Variants in DEFB110 observed in about 807,000 individuals in gnomAD.
The protein encoded by DEFB110 is beta-defensin 110.
Under a neutral mutation model 2.5 loss-of-function variants are expected in DEFB110, and 4 were observed. The observed-to-expected ratio is 1.60, with a 90% CI of 0.79 to 3.66. DEFB110 has a LOEUF of 3.66. Ranked by LOEUF, DEFB110 falls within the 30% of genes most tolerant of loss-of-function variation. DEFB110 has a pLI of 0.01. For synonymous variants in DEFB110, 29 were observed against 21.8 expected, an observed-to-expected ratio of 1.33 and a Z score of -0.92; for missense variants, 94 against 75.4, an observed-to-expected ratio of 1.25 and a Z score of -0.91.
chr6:50,020,420 A>C (rs1202277881), intron 1 of DEFB110, among the ~76,000 whole-genome samples: 2 of 152,022 alleles, frequency 1.3e-5, no homozygotes, highest in Non-Finnish European at 2.9e-5. Context: ...ATTCGTTTTC[A>C]GAAGTCATTT....
At chr6:50,009,142 A>G (rs778222077) in exon 2 of DEFB110, 1 of 1,609,692 alleles carries the variant, frequency 6.2e-7, no homozygotes, top group Non-Finnish European at 8.5e-7. Flanking sequence ...CAGAGTTTAT[A>G]CGCAGCACTG....
exon 2 of DEFB110, chr6:50,009,243 T>C (rs769684088): frequency 3.7e-6 from 6 of 1,605,718 alleles, no homozygotes; most frequent in East Asian, 4.5e-5. Flanking sequence ...ATCTTTCAAA[T>C]CTATACTTTG....
chr6:50,019,784 A>T (rs2113942875), intron 1 of DEFB110, among the ~76,000 whole-genome samples: 1 of 152,204 alleles, frequency 6.6e-6, no homozygotes, highest in East Asian at 1.9e-4. Flanking sequence ...AATAACTTAC[A>T]AACAATTTCT....
At chr6:50,012,917 C>A (rs1373559110) in intron 1 of DEFB110, among the ~76,000 whole-genome samples, 1 of 151,670 alleles carries the variant, frequency 6.6e-6, no homozygotes, top group Non-Finnish European at 1.5e-5. Flanking sequence ...CTTTTAAAGG[C>A]AATTCTGAGA....
downstream of DEFB110, among the ~76,000 whole-genome samples, chr6:50,016,096 A>G (rs1774311682): frequency 6.6e-6 from 1 of 151,818 alleles, no homozygotes; most frequent in South Asian, 2.1e-4. Flanking sequence ...TACATTGCTA[A>G]TTGGAATTAG....
downstream of DEFB110, among the ~76,000 whole-genome samples, chr6:50,015,396 C>T (rs1168161589): frequency 6.6e-6 from 1 of 151,732 alleles, no homozygotes; most frequent in Non-Finnish European, 1.5e-5. Context: ...CTAAAAATCC[C>T]TGGGTAATCA....
intron 1 of DEFB110, among the ~76,000 whole-genome samples, chr6:50,011,839 AGAAGTT>A (rs1475934741): frequency 6.6e-6 from 1 of 152,046 alleles, no homozygotes; most frequent in South Asian, 2.1e-4. Context: ...CTTGCTGGAT[AGAAGTT>A]GAAGTCAAGG....
chr6:50,012,362 T>C (rs1208078840), intron 1 of DEFB110, among the ~76,000 whole-genome samples: 1 of 151,818 alleles, frequency 6.6e-6, no homozygotes, highest in Non-Finnish European at 1.5e-5. Flanking sequence ...AATTACTCAA[T>C]AAATAAGATA....
Position 50,021,958 on chromosome 6 carries a change from G to A in DEFB110, c.-23C>T, listed in dbSNP as rs2113944665. ...CATGGTAGAGAGTTTCTTAAAAAAA[G>A]GGGGCAACAGACCTCCTTTTTCAAG... On this transcript the variant is annotated 5_prime_UTR_variant, in exon 1 of 2. Coordinates refer to ENST00000371148, the MANE Select transcript of DEFB110 (RefSeq NM_001037497.2). The A allele has an allele frequency of 6.5e-7, 1 of 1,530,386 alleles. No individual in the cohort carries two copies. Among genetic ancestry groups the A allele is most frequent in the Non-Finnish European group, 8.7e-7 (1 of 1,147,586 alleles). 94.8% of individuals were successfully genotyped at this position (1,530,386 alleles called of 1,614,324 possible). A position where few individuals can be genotyped will look rare whatever the true frequency, so the allele number is the denominator to read the frequency against.
chr6:50,018,940 T>C lies in DEFB110; in HGVS notation c.*37A>G. On this transcript the variant is annotated 3_prime_UTR_variant, in exon 2 of 2. Coordinates refer to ENST00000371148, the MANE Select transcript of DEFB110 (RefSeq NM_001037497.2). ...GGGAAAACTTAATAACGCTGGTCTC[T>C]CTTCTTGGAGCTTGTGACTCTTTTC... 6.3e-7 allele frequency: 1 copy of C among 1,588,816 alleles called. No individual in the cohort carries two copies. The highest frequency in any genetic ancestry group is 1.3e-5 in the African/African-American group (1 of 74,116).
chr6:50,018,880 T>TAC lies in DEFB110; in HGVS notation c.*96_*97insGT. On this transcript the variant is annotated 3_prime_UTR_variant, in exon 2 of 2. Transcript: ENST00000371148. Reference sequence around the variant, plus strand: ...CATTAATTTTTATTTAGTTCTTGTGTATTATAGAGACACACACGCCTTGAA... The same window carrying TAC: ...CATTAATTTTTATTTAGTTCTTGTGTACATTATAGAGACACACACGCCTTGAA... 6.8e-7 allele frequency: 1 copy of TAC among 1,470,374 alleles called. No homozygotes were observed. The highest frequency in any genetic ancestry group is 8.9e-7 in the Non-Finnish European group (1 of 1,117,468). The allele number at this position is 1,470,374 out of a possible 1,614,324, so 91.1% of individuals were successfully genotyped here.
chr6:50,011,867 C>T (rs1774234330), intron 1 of DEFB110, among the ~76,000 whole-genome samples: 1 of 151,952 alleles, frequency 6.6e-6, no homozygotes, highest in Non-Finnish European at 1.5e-5. Flanking sequence ...AGAAGCAAGG[C>T]CGTGGGTCAG....
downstream of DEFB110, among the ~76,000 whole-genome samples, chr6:50,014,938 A>G (rs964825230): frequency 6.6e-6 from 1 of 151,612 alleles, no homozygotes; most frequent in African/African-American, 2.4e-5. Flanking sequence ...TACTGTCTCC[A>G]CTCTCATTTT....
intron 1 of DEFB110, among the ~76,000 whole-genome samples, chr6:50,012,510 G>A (rs1774244914): frequency 6.6e-6 from 1 of 151,770 alleles, no homozygotes. Flanking sequence ...AAGTGACTTA[G>A]GCCCTATATT....
chr6:50,009,268 C>T (rs1774186834), exon 2 of DEFB110: 1 of 1,592,290 alleles, frequency 6.3e-7, no homozygotes, highest in Admixed American at 1.9e-5. Context: ...AAAATTGCTT[C>T]TGGCTGCAAT....
In DEFB110 at chr6:50,019,314, A is replaced by C. The variant is rs75836998; in HGVS notation, c.56-189T>G. Among the ~76,000 whole-genome samples, 1,478 of 152,198 alleles carry C rather than the reference A, an allele frequency of 9.7e-3. 31 individuals are homozygous for C. Among genetic ancestry groups the C allele is most frequent in the African/African-American group, 0.032 (1,341 of 41,560 alleles). On this transcript the variant is annotated intron_variant, in intron 1 of 1. Coordinates refer to ENST00000371148, the MANE Select transcript of DEFB110 (RefSeq NM_001037497.2). Reference sequence around the variant, plus strand: ...TAGAAATAAAAAGGGTCTTGGACTTAAGTTAGGTGTTTCCACTTTCTGTCT... The same window carrying C: ...TAGAAATAAAAAGGGTCTTGGACTTCAGTTAGGTGTTTCCACTTTCTGTCT...
At chr6:50,018,636 T>C (rs952093533), downstream of DEFB110, among the ~76,000 whole-genome samples, 1 of 152,024 alleles carries the variant, frequency 6.6e-6, no homozygotes, top group Non-Finnish European at 1.5e-5. Context: ...GAAATATGCT[T>C]ACCCAATTCT....
rs140415988 is a variant in DEFB110, at chr6:50,021,019, A to G, written c.55+862T>C. ...ATTCTTTGTCTTATTTCACCTTTCT[A>G]AAACATTATTGTCTTCTTTCTCCTC... On this transcript the variant is annotated intron_variant, in intron 1 of 1. Transcript: ENST00000371148. Among the ~76,000 whole-genome samples the G allele has an allele frequency of 4.1e-4, 62 of 152,106 alleles. 2 individuals carry two copies. Among genetic ancestry groups the G allele is most frequent in the African/African-American group, 1.2e-3 (49 of 41,500 alleles).
intron 1 of DEFB110, among the ~76,000 whole-genome samples, chr6:50,009,739 T>C (rs1275099863): frequency 2.0e-5 from 3 of 152,142 alleles, no homozygotes; most frequent in Admixed American, 6.6e-5. Flanking sequence ...TCTAATGTAC[T>C]AACTTCACTG....
Sources: gnomAD v4.1 joint callset for allele counts (sites outside exome capture counted in the v4.1 genomes callset) on GRCh38, gnomAD v4.1.1 for gene constraint, MANE v1.5 for transcripts, NCBI Gene and HGNC (gene_info 2026-07-23, HGNC 2026-07-21) for gene names.